The following ZNF75D variants were observed in gnomAD, a reference collection of about 807,000 sequenced individuals.
ZNF75D encodes the protein zinc finger protein 75D.
ZNF75D carries 33 observed loss-of-function variants against 33.3 expected under a neutral mutation model. The observed-to-expected ratio is 0.99, with a 90% confidence interval of 0.75 to 1.32. ZNF75D has a LOEUF of 1.32. Among genes scored for constraint, ZNF75D ranks in the 40% most tolerant of loss-of-function variants. ZNF75D has a pLI of 0.00. For missense variants in ZNF75D, 338 were observed against 367.5 expected (o/e 0.92, Z 0.66); for synonymous variants, 113 against 130.6 (o/e 0.87, Z 0.92).
At chrX:135,296,333 A>G (rs1159956408) in intron 1 of ZNF75D, among the ~76,000 whole-genome samples, 3 of 111,965 alleles carry the variant, frequency 2.7e-5, no homozygotes, top group Non-Finnish European at 5.6e-5. Flanking sequence ...AAGGTCTCCT[A>G]TCCCTGATTT....
chrX:135,309,960 A>C (rs2084339614), intron 1 of ZNF75D, among the ~76,000 whole-genome samples: 1 of 111,636 alleles, frequency 9.0e-6, no homozygotes. Context: ...AATCTGAAAA[A>C]CACTGCGAAG....
chrX:135,257,625 C>T (rs1422930779), intron 1 of ZNF75D, among the ~76,000 whole-genome samples: 1 of 112,672 alleles, frequency 8.9e-6, no homozygotes, highest in Admixed American at 9.3e-5. Flanking sequence ...GGGCAAGGCC[C>T]ACTGCTGTGA....
chrX:135,306,674 C>T, intron 1 of ZNF75D, among the ~76,000 whole-genome samples: 1 of 111,940 alleles, frequency 8.9e-6, no homozygotes, highest in East Asian at 2.8e-4. Context: ...AAAAATTGAT[C>T]TTCCTTTTCA....
chrX:135,292,496 T>A, intron 3 of ZNF75D, 23 bp from the exon 4 acceptor site: 1 of 1,199,353 alleles, frequency 8.3e-7, no homozygotes, highest in Non-Finnish European at 1.1e-6. Context: ...CCCATCCTCA[T>A]TAGCACAGAA....
intron 1 of ZNF75D, among the ~76,000 whole-genome samples, chrX:135,257,895 C>G (rs782760953): frequency 2.5e-4 from 27 of 110,104 alleles, no homozygotes; most frequent in Non-Finnish European, 4.0e-4. Context: ...ATGTGCCATG[C>G]TGGTTTGCTG....
At chrX:135,309,304 C>A (rs1230598369) in intron 1 of ZNF75D, among the ~76,000 whole-genome samples, 1 of 111,549 alleles carries the variant, frequency 9.0e-6, no homozygotes, top group Non-Finnish European at 1.9e-5. Context: ...ATGTGTGAGA[C>A]AGATTGAATA....
At chrX:135,273,017 GGTTT>G (rs2083888431) in intron 1 of ZNF75D, among the ~76,000 whole-genome samples, 2 of 111,409 alleles carry the variant, frequency 1.8e-5, no homozygotes, top group Non-Finnish European at 3.8e-5. Context: ...TTCTTTCCTT[GGTTT>G]GTTTGTGTGT....
At chrX:135,340,821 T>C (rs1230764418) in intron 1 of ZNF75D, among the ~76,000 whole-genome samples, 2 of 112,071 alleles carry the variant, frequency 1.8e-5, no homozygotes, top group Non-Finnish European at 3.8e-5. Flanking sequence ...CCAAAAAGTT[T>C]TGTAATTGCT....
chrX:135,307,447 C>T (rs188718946), intron 1 of ZNF75D, among the ~76,000 whole-genome samples: 2 of 111,721 alleles, frequency 1.8e-5, no homozygotes. Flanking sequence ...TCACAAAGCC[C>T]TGTCCTCACC....
intron 1 of ZNF75D, among the ~76,000 whole-genome samples, chrX:135,308,580 TG>T (rs2084318137): frequency 8.9e-6 from 1 of 112,033 alleles, no homozygotes; most frequent in Non-Finnish European, 1.9e-5. Context: ...TTCTATCACT[TG>T]GGCAAGTCCT....
Position 135,286,968 on chromosome X carries a change from C to A in ZNF75D, c.*169G>T, listed in dbSNP as rs2083962007. 1 of 445,366 alleles carries A rather than the reference C, an allele frequency of 2.2e-6. No homozygotes were observed. The highest frequency in any genetic ancestry group is 2.4e-5 in the African/African-American group (1 of 41,118). The allele number at this position is 445,366 out of a possible 1,213,427, so 36.7% of individuals were successfully genotyped here. On this transcript the variant is annotated 3_prime_UTR_variant, in exon 7 of 7. Transcript: ENST00000370766. ...CTTATGTATCAACTCTTGTGCTAGG[C>A]ACAGAAGATGCAATGCTGAATAAAA...
At chrX:135,325,413 C>T (rs1556436880) in intron 1 of ZNF75D, among the ~76,000 whole-genome samples, 1 of 111,115 alleles carries the variant, frequency 9.0e-6, no homozygotes, top group East Asian at 2.9e-4. Context: ...CTGGGCTGGC[C>T]AAGGCCAGAG....
chrX:135,297,912 T>C (rs781978552), intron 1 of ZNF75D, among the ~76,000 whole-genome samples: 21 of 111,904 alleles, frequency 1.9e-4, no homozygotes, highest in African/African-American at 6.2e-4. Context: ...ATGGTAAGGG[T>C]CTTCTTCCTA....
At chrX:135,264,111 C>T (rs782764907) in intron 1 of ZNF75D, among the ~76,000 whole-genome samples, 34 of 111,895 alleles carry the variant, frequency 3.0e-4, no homozygotes, top group Admixed American at 8.5e-4. Flanking sequence ...AATTGACTCA[C>T]AGTTCTTCAG....
downstream of ZNF75D, among the ~76,000 whole-genome samples, chrX:135,284,361 T>A (rs1168949173): frequency 8.9e-6 from 1 of 111,855 alleles, no homozygotes; most frequent in Non-Finnish European, 1.9e-5. Context: ...TCCATGGACA[T>A]ACATTTCTCC....
intron 1 of ZNF75D, among the ~76,000 whole-genome samples, chrX:135,337,662 T>G (rs370368386): frequency 1.5e-4 from 16 of 110,321 alleles, no homozygotes; most frequent in African/African-American, 4.6e-4. Context: ...GTGCATTAGG[T>G]AAATGGTGTC....
chrX:135,304,695 G>A (rs2084262283), intron 1 of ZNF75D, among the ~76,000 whole-genome samples: 1 of 112,552 alleles, frequency 8.9e-6, no homozygotes, highest in Admixed American at 9.3e-5. Flanking sequence ...CCTACAACCA[G>A]TTTCCAATTA....
downstream of ZNF75D, among the ~76,000 whole-genome samples, chrX:135,282,324 G>A (rs1204797324): frequency 2.7e-5 from 3 of 111,571 alleles, no homozygotes; most frequent in African/African-American, 9.8e-5. Flanking sequence ...CCTCAGTAAT[G>A]GTGGATGCCC....
At chrX:135,304,793 A>C (rs1556425453) in intron 1 of ZNF75D, among the ~76,000 whole-genome samples, 1 of 112,883 alleles carries the variant, frequency 8.9e-6, no homozygotes, top group Non-Finnish European at 1.9e-5. Context: ...ACAAATGGTG[A>C]GTATTGACTT....
Sources: gnomAD v4.1 joint callset for allele counts (sites outside exome capture counted in the v4.1 genomes callset) on GRCh38, gnomAD v4.1.1 for gene constraint, MANE v1.5 for transcripts, NCBI Gene and HGNC (gene_info 2026-07-23, HGNC 2026-07-21) for gene names.